Variants in WASHC5 observed in about 807,000 individuals in gnomAD.
WASHC5 encodes WASH complex subunit strumpellin.
A neutral mutation model predicts 150.4 loss-of-function variants in WASHC5; 101 were observed. The observed-to-expected ratio is 0.67, with a 90% CI of 0.57 to 0.79. The LOEUF (loss-of-function observed/expected upper bound fraction) is 0.79. WASHC5 is among the 30% of genes least tolerant of loss of function. The pLI is 0.00. For synonymous variants in WASHC5, 467 were observed against 491.2 expected (o/e 0.95, Z 0.65); for missense variants, 1,195 against 1,396.3 (o/e 0.86, Z 2.30).
At chr8:125,057,341 A>C (rs892992124) in intron 15 of WASHC5, among the ~76,000 whole-genome samples, 1 of 152,210 alleles carries the variant, frequency 6.6e-6, no homozygotes, top group Non-Finnish European at 1.5e-5. Flanking sequence ...CCAACACTTA[A>C]AACACAGAAA....
chr8:125,043,786 T>C (rs753569835), intron 23 of WASHC5, 39 bp downstream of exon 23: 17 of 1,400,916 alleles, frequency 1.2e-5, no homozygotes, highest in Non-Finnish European at 1.0e-6. Context: ...AATTTAAAAA[T>C]GTAAGTATTG....
rs16900337 is a variant in WASHC5 at position 125,067,951 on chromosome 8, C to A, written c.1151-232G>T. Among the ~76,000 whole-genome samples, 4,284 of 152,254 alleles carry A rather than the reference C, an allele frequency of 0.028. 208 individuals carry two copies. The highest frequency in any genetic ancestry group is 0.098 in the African/African-American group (4,090 of 41,526). ...CCATCCTTGAAAGATTGTTGAATGA[C>A]AAAAAGCAAGCTGCAGAACAGTGTT... On this transcript the variant is annotated intron_variant, in intron 9 of 28. Coordinates refer to ENST00000318410, the MANE Select transcript of WASHC5 (RefSeq NM_014846.4).
chr8:125,084,086 GA>G, intron 1 of WASHC5, 64 bp from the exon 2 acceptor site: 1 of 598,992 alleles, frequency 1.7e-6, no homozygotes, highest in Non-Finnish European at 3.0e-6. Flanking sequence ...GTACACATAA[GA>G]AACACATTTT....
intron 3 of WASHC5, 173 bp downstream of exon 3, chr8:125,082,940 A>C: frequency 1.8e-6 from 1 of 544,390 alleles, no homozygotes; most frequent in South Asian, 2.5e-5. Flanking sequence ...TTATAGTAAA[A>C]CTTCAAAATT....
intron 27 of WASHC5, among the ~76,000 whole-genome samples, chr8:125,029,030 CTTTTTTT>C (rs574526697): frequency 8.1e-6 from 1 of 122,846 alleles, no homozygotes; most frequent in Non-Finnish European, 1.8e-5. Flanking sequence ...TCCCTGCACA[CTTTTTTT>C]TTTTTTTTTT....
intron 26 of WASHC5, among the ~76,000 whole-genome samples, chr8:125,036,808 G>C (rs973027380): frequency 6.6e-6 from 1 of 152,078 alleles, no homozygotes; most frequent in African/African-American, 2.4e-5. Flanking sequence ...TCAGGAGTTC[G>C]AGACCAGCCT....
chr8:125,087,461 G>T (rs1372093413), intron 1 of WASHC5, among the ~76,000 whole-genome samples: 1 of 152,170 alleles, frequency 6.6e-6, no homozygotes, highest in African/African-American at 2.4e-5. Flanking sequence ...GGCAACGGTG[G>T]CTCACACCTG....
intron 11 of WASHC5, among the ~76,000 whole-genome samples, chr8:125,062,217 C>T (rs1816616122): frequency 6.6e-6 from 1 of 152,024 alleles, no homozygotes; most frequent in African/African-American, 2.4e-5. Context: ...CACCTTTGTA[C>T]CTTCAGCAAA....
At chr8:125,041,492 T>C (rs1239673469) in intron 23 of WASHC5, among the ~76,000 whole-genome samples, 2 of 151,986 alleles carry the variant, frequency 1.3e-5, no homozygotes, top group Non-Finnish European at 2.9e-5. Context: ...AATAAAAAAA[T>C]TAGCTGGGTA....
chr8:125,078,667 A>G, intron 6 of WASHC5, 71 bp downstream of exon 6: 1 of 1,212,576 alleles, frequency 8.2e-7, no homozygotes, highest in Non-Finnish European at 1.2e-6. Flanking sequence ...GAAGGAAAGG[A>G]GTAATTAAAG....
chr8:125,056,813 A>C lies in WASHC5; in HGVS notation c.1880T>G (p.Leu627Trp). 6.2e-7 allele frequency: 1 copy of C among 1,614,164 alleles called. No homozygotes were observed. Among genetic ancestry groups the C allele is most frequent in the Non-Finnish European group, 8.5e-7 (1 of 1,180,012 alleles). ...GELVSYVRKV[L>W]QIIPESMFTS... The stretch of plus-strand genomic sequence containing the variant: ...AAACATGCTTTCTGGGATGATCTGC[A>C]AAACCTTCAGTGAAAAGGAAAGCAG... The change falls in exon 16 of 29, where the codon TTG becomes TGG. Residue 627 changes from leucine to tryptophan, a missense_variant. Physicochemically the swap from Leu to Trp is moderately conservative, Grantham distance 61. This residue lies in a region of WASHC5 where 997 missense variants were observed against 1,168.1 expected (regional missense o/e 0.85). Transcript: ENST00000318410.
chr8:125,037,781 C>T (rs1815759835), intron 25 of WASHC5, among the ~76,000 whole-genome samples: 2 of 152,000 alleles, frequency 1.3e-5, no homozygotes, highest in Admixed American at 1.3e-4. Context: ...CATGTAGCAG[C>T]GAGTGGTGGT....
chr8:125,079,094 G>GTA (rs1178176449), intron 5 of WASHC5, among the ~76,000 whole-genome samples, 164 bp from the exon 6 acceptor site: 2 of 103,968 alleles, frequency 1.9e-5, no homozygotes, highest in African/African-American at 3.7e-5. Flanking sequence ...AAAATTATGT[G>GTA]TATATATATG....
intron 17 of WASHC5, among the ~76,000 whole-genome samples, chr8:125,052,116 A>T (rs1193107380): frequency 6.6e-6 from 1 of 152,198 alleles, no homozygotes; most frequent in Non-Finnish European, 1.5e-5. Context: ...AGGCTACATC[A>T]TTCTTTCTTT....
At chr8:125,075,831 T>C (rs1219064194) in intron 7 of WASHC5, among the ~76,000 whole-genome samples, 1 of 152,242 alleles carries the variant, frequency 6.6e-6, no homozygotes, top group Non-Finnish European at 1.5e-5. Flanking sequence ...ATTTCATATA[T>C]ATTATGAAGC....
intron 27 of WASHC5, 31 bp from the exon 28 acceptor site, chr8:125,028,738 C>T: frequency 1.4e-6 from 2 of 1,434,260 alleles, no homozygotes; most frequent in Non-Finnish European, 9.8e-7. Flanking sequence ...GATCAATTAA[C>T]TGCTTTGCAC....
intron 20 of WASHC5, chr8:125,045,000 G>A (rs1816019558): frequency 1.2e-5 from 5 of 403,240 alleles, no homozygotes; most frequent in South Asian, 7.1e-5. Context: ...GTTAGGTTCA[G>A]CTGTCAGGCT....
In WASHC5 at chr8:125,081,708, A is replaced by G. The variant is rs770604832; in HGVS notation, c.471T>C (p.Ile157=). 6.9e-5 allele frequency: 112 copies of G among 1,612,846 alleles called. No individual in the cohort carries two copies. Among genetic ancestry groups the G allele is most frequent in the Non-Finnish European group, 9.2e-5 (109 of 1,179,082 alleles). The change falls in exon 5 of 29, where the codon ATT becomes ATC. Residue 157 remains isoleucine (I), a synonymous_variant. Transcript: ENST00000318410. ...GCATCCTCTCTCTGACTTCTCCTTC[A>G]ATCTTTTGGTCAATGACCAGTAGCA... ...GVMLLVIDQK[I]EGEVRERMLV...
At chr8:125,081,378 C>T (rs555025698) in intron 5 of WASHC5, among the ~76,000 whole-genome samples, 1 of 151,918 alleles carries the variant, frequency 6.6e-6, no homozygotes, top group Non-Finnish European at 1.5e-5. Context: ...CCTGGAATTA[C>T]AGGCGCCCAC....
Sources: gnomAD v4.1 joint callset for allele counts (sites outside exome capture counted in the v4.1 genomes callset) on GRCh38, gnomAD v4.1.1 for gene constraint, gnomAD v4.1.1 regional missense constraint, MANE v1.5 for transcripts, NCBI Gene and HGNC (gene_info 2026-07-23, HGNC 2026-07-21) for gene names.